The following KCNIP4 variants were observed in gnomAD, a reference collection of about 807,000 sequenced individuals.
The protein encoded by KCNIP4 is potassium voltage-gated channel interacting protein 4.
KCNIP4 carries 12 observed loss-of-function variants against 34.0 expected under a neutral mutation model. The ratio of observed to expected loss-of-function variants is 0.35; its 90% CI spans 0.23 to 0.57. KCNIP4 has a LOEUF of 0.57. Ranked by LOEUF, KCNIP4 falls within the 20% of genes least tolerant of loss-of-function variation. The pLI is 0.83. For missense variants in KCNIP4, 238 were observed against 311.7 expected, an observed-to-expected ratio of 0.76 and a Z score of 1.78; for synonymous variants, 124 against 102.2, an observed-to-expected ratio of 1.21 and a Z score of -1.29.
chr4:21,714,827 T>G (rs1159481992), intron 1 of KCNIP4, among the ~76,000 whole-genome samples: 2 of 198 alleles, frequency 0.01, no homozygotes, highest in Non-Finnish European at 7.4e-3. Context: ...TTATTTTATT[T>G]TATTTTATTT....
At chr4:21,180,083 G>A (rs997041206) in intron 1 of KCNIP4, among the ~76,000 whole-genome samples, 13 of 152,182 alleles carry the variant, frequency 8.5e-5, no homozygotes, top group Admixed American at 3.3e-4. Context: ...TACTCTCTCC[G>A]TTGAATCTAT....
intron 1 of KCNIP4, chr4:21,303,907 G>T (rs757019833): frequency 5.5e-5 from 88 of 1,613,914 alleles, no homozygotes; most frequent in Non-Finnish European, 7.2e-5. Flanking sequence ...CCAAGTTCAT[G>T]GTCAGCTAGG....
At chr4:21,633,764 G>C (rs1745924391) in intron 1 of KCNIP4, among the ~76,000 whole-genome samples, 1 of 151,690 alleles carries the variant, frequency 6.6e-6, no homozygotes, top group Non-Finnish European at 1.5e-5. Flanking sequence ...TTTAAACTGA[G>C]AAATTATTAA....
chr4:21,622,376 G>A (rs1745050755), intron 1 of KCNIP4, among the ~76,000 whole-genome samples: 1 of 152,026 alleles, frequency 6.6e-6, no homozygotes, highest in Non-Finnish European at 1.5e-5. Context: ...CCTTTTGCCT[G>A]CCTATCCTGC....
intron 1 of KCNIP4, among the ~76,000 whole-genome samples, chr4:21,547,636 G>A (rs1305434005): frequency 6.6e-6 from 1 of 152,020 alleles, no homozygotes; most frequent in Non-Finnish European, 1.5e-5. Flanking sequence ...GCACAAAACT[G>A]CTTTTGGGGA....
At chr4:21,623,688 T>G (rs1847424) in intron 1 of KCNIP4, among the ~76,000 whole-genome samples, 41,098 of 151,102 alleles carry the variant, frequency 0.27, 5,623 homozygotes, top group South Asian at 0.31. Flanking sequence ...AGCTTAGTAG[T>G]TACCAATAGT....
At chr4:21,346,729 G>T (rs1465661724) in intron 1 of KCNIP4, among the ~76,000 whole-genome samples, 1 of 152,062 alleles carries the variant, frequency 6.6e-6, no homozygotes, top group Non-Finnish European at 1.5e-5. Flanking sequence ...ATGGGACTGA[G>T]GATTATGCCT....
chr4:20,739,438 T>C (rs1173981440), intron 5 of KCNIP4, among the ~76,000 whole-genome samples: 1 of 152,122 alleles, frequency 6.6e-6, no homozygotes, highest in Non-Finnish European at 1.5e-5. Flanking sequence ...CTGCTGGTGA[T>C]AACCAGGCAA....
chr4:21,501,688 T>TTGTATGTGTGTGTGTGTG (rs1733355747), intron 1 of KCNIP4, among the ~76,000 whole-genome samples: 1 of 127,218 alleles, frequency 7.9e-6, no homozygotes, highest in Admixed American at 8.1e-5. Flanking sequence ...TGCAGAAGCC[T>TTGTATGTGTGTGTGTGTG]TGTGTGTGTG....
chr4:21,051,802 T>C (rs540753160), intron 1 of KCNIP4, among the ~76,000 whole-genome samples: 1 of 152,288 alleles, frequency 6.6e-6, no homozygotes, highest in South Asian at 2.1e-4. Context: ...TCTGGTTAAA[T>C]ATCAATATGA....
At chr4:21,506,814 C>T (rs1016560432) in intron 1 of KCNIP4, among the ~76,000 whole-genome samples, 1 of 151,870 alleles carries the variant, frequency 6.6e-6, no homozygotes, top group African/African-American at 2.4e-5. Flanking sequence ...TTTTTTGAGA[C>T]AGAGTCTCTC....
intron 1 of KCNIP4, among the ~76,000 whole-genome samples, chr4:21,228,036 G>A (rs1018631886): frequency 3.3e-5 from 5 of 152,088 alleles, no homozygotes; most frequent in South Asian, 4.1e-4. Flanking sequence ...ACATTGCTGC[G>A]ATTGCTTCTA....
At position 20,871,559 on chromosome 4, in the gene KCNIP4, T is replaced by C. The variant is rs1246887020; in HGVS notation, c.163+11049A>G. Among the ~76,000 whole-genome samples the C allele has an allele frequency of 2.0e-5, 3 of 152,116 alleles. No individual in the cohort carries two copies. The East Asian group carries it at 5.8e-4, about 29-fold the overall frequency. On this transcript the variant is annotated intron_variant, in intron 2 of 8. Transcript: ENST00000382152. ...CTAGAAATGACCATTTTCTAAGAAT[T>C]ACTTTTCCTGTGGGTTTCCTCTCCT...
intron 1 of KCNIP4, among the ~76,000 whole-genome samples, chr4:21,357,967 C>A (rs1271520657): frequency 6.6e-6 from 1 of 152,122 alleles, no homozygotes; most frequent in Admixed American, 6.5e-5. Context: ...GGCACATATA[C>A]ACCATGGAAT....
chr4:20,878,434 T>G (rs542871254), intron 2 of KCNIP4, among the ~76,000 whole-genome samples: 57 of 152,322 alleles, frequency 3.7e-4, no homozygotes, highest in African/African-American at 1.2e-3. Flanking sequence ...CAATGAGGCT[T>G]TCTCTGAGCC....
rs866973550 is a variant in KCNIP4, at chr4:21,106,099, C to T, written c.62-223390G>A. 5.5e-3 allele frequency among the ~76,000 whole-genome samples: 834 copies of T among 151,570 alleles called. 10 individuals carry two copies. The highest frequency in any genetic ancestry group is 0.013 in the Admixed American group (198 of 15,252). ...CTGCCTGGCTTTGGTATCAGGATGA[C>T]GCTGGCCTCATAAAATGAGTTAGGG... On this transcript the variant is annotated intron_variant, in intron 1 of 8. Coordinates refer to ENST00000382152, the MANE Select transcript of KCNIP4 (RefSeq NM_025221.6).
intron 1 of KCNIP4, among the ~76,000 whole-genome samples, chr4:21,192,872 A>G (rs1422956137): frequency 6.6e-6 from 1 of 151,482 alleles, no homozygotes. Context: ...CTTGGGTAAC[A>G]TAACAAGACC....
chr4:21,635,769 T>C (rs1018609793), intron 1 of KCNIP4, among the ~76,000 whole-genome samples: 2 of 152,280 alleles, frequency 1.3e-5, no homozygotes, highest in African/African-American at 4.8e-5. Flanking sequence ...TACCATTTGA[T>C]GCAGCCATCC....
chr4:21,030,632 T>C (rs1254021804), intron 1 of KCNIP4, among the ~76,000 whole-genome samples: 1 of 152,126 alleles, frequency 6.6e-6, no homozygotes, highest in African/African-American at 2.4e-5. Flanking sequence ...ACTTCAGAAA[T>C]GCTTTGTTTA....
Sources: allele counts gnomAD v4.1 joint callset (sites outside exome capture counted in the v4.1 genomes callset), GRCh38; gene constraint gnomAD v4.1.1; transcripts MANE v1.5; gene names NCBI Gene and HGNC (gene_info 2026-07-23, HGNC 2026-07-21).